CFAP47: variants seen among roughly 807,000 people sequenced by gnomAD.
CFAP47 encodes the protein cilia- and flagella-associated protein 47.
CFAP47 carries 29 observed loss-of-function variants against 148.1 expected under a neutral mutation model. That is an observed-to-expected ratio of 0.20 (90% CI 0.15 to 0.27). The LOEUF (loss-of-function observed/expected upper bound fraction) is 0.27. CFAP47 is among the 10% of genes least tolerant of loss of function. The pLI, the probability that CFAP47 is intolerant of heterozygous loss-of-function variation, is 1.00. For missense variants in CFAP47, 1,872 were observed against 1,697.5 expected (o/e 1.10, Z -1.81); for synonymous variants, 664 against 577.3 (o/e 1.15, Z -2.15).
intron 51 of CFAP47, among the ~76,000 whole-genome samples, chrX:36,292,889 T>A (rs1556005791): frequency 1.8e-5 from 2 of 111,383 alleles, no homozygotes; most frequent in African/African-American, 6.5e-5. Flanking sequence ...AAGTTGTGAT[T>A]ATCCAAAATA....
chrX:36,218,486 G>A (rs782063128), intron 45 of CFAP47, among the ~76,000 whole-genome samples: 1 of 112,016 alleles, frequency 8.9e-6, no homozygotes, highest in African/African-American at 3.2e-5. Context: ...CACAACTGTA[G>A]GGGATTATCT....
chrX:36,234,825 C>T (rs1367541914), intron 46 of CFAP47, among the ~76,000 whole-genome samples: 3 of 111,607 alleles, frequency 2.7e-5, no homozygotes, highest in African/African-American at 9.8e-5. Flanking sequence ...GTTAGTTTTC[C>T]TTCTAAGAGA....
chrX:36,187,018 C>T (rs1466476148), intron 40 of CFAP47, among the ~76,000 whole-genome samples: 1 of 111,357 alleles, frequency 9.0e-6, no homozygotes, highest in Non-Finnish European at 1.9e-5. Context: ...AGTTATTTTC[C>T]ATTCTGTCTT....
At chrX:36,080,026 C>T (rs910163301) in intron 29 of CFAP47, among the ~76,000 whole-genome samples, 18 of 111,233 alleles carry the variant, frequency 1.6e-4, no homozygotes, top group African/African-American at 5.6e-4. Flanking sequence ...TTGCAGTATA[C>T]CCATCTGATA....
intron 15 of CFAP47, among the ~76,000 whole-genome samples, chrX:35,980,389 G>A (rs1434730008): frequency 9.0e-6 from 1 of 111,405 alleles, no homozygotes; most frequent in Non-Finnish European, 1.9e-5. Flanking sequence ...GCACTAAGAT[G>A]GCTTTATTTA....
chrX:36,303,804 A>C, intron 53 of CFAP47, 45 bp from the exon 54 acceptor site: 2 of 705,855 alleles, frequency 2.8e-6, no homozygotes, highest in Non-Finnish European at 4.2e-6. Flanking sequence ...ACACTAAATA[A>C]GTTTATGAAT....
intron 37 of CFAP47, among the ~76,000 whole-genome samples, chrX:36,150,439 C>G (rs759714146): frequency 1.8e-5 from 2 of 112,102 alleles, no homozygotes; most frequent in South Asian, 7.4e-4. Context: ...TGAACTTTAA[C>G]TAGTCTTGAA....
chrX:36,176,682 G>A (rs1411306430), intron 39 of CFAP47, among the ~76,000 whole-genome samples: 1 of 112,159 alleles, frequency 8.9e-6, no homozygotes. Context: ...AAGGCGGAGG[G>A]ATCATGAGGT....
intron 33 of CFAP47, among the ~76,000 whole-genome samples, chrX:36,113,058 T>C (rs1228756207): frequency 8.9e-6 from 1 of 112,100 alleles, no homozygotes; most frequent in Non-Finnish European, 1.9e-5. Flanking sequence ...TGCCACTCTG[T>C]GCCTTTTAAT....
At chrX:36,050,260 T>C (rs1236154169) in intron 26 of CFAP47, among the ~76,000 whole-genome samples, 2 of 111,278 alleles carry the variant, frequency 1.8e-5, no homozygotes, top group African/African-American at 6.5e-5. Flanking sequence ...TTTGGAGGGC[T>C]CAGAAGAAGA....
chrX:36,184,747 A>C (rs1939787376), intron 40 of CFAP47, among the ~76,000 whole-genome samples: 1 of 111,418 alleles, frequency 9.0e-6, no homozygotes, highest in African/African-American at 3.3e-5. Flanking sequence ...CAGCCTGACC[A>C]ATATGGTGAC....
At chrX:36,227,810 A>G (rs1367606371) in intron 45 of CFAP47, among the ~76,000 whole-genome samples, 1 of 112,004 alleles carries the variant, frequency 8.9e-6, no homozygotes, top group Non-Finnish European at 1.9e-5. Context: ...TGAAACTTTT[A>G]TTATGTTCTT....
intron 45 of CFAP47, among the ~76,000 whole-genome samples, chrX:36,224,031 T>C (rs1555991162): frequency 9.0e-6 from 1 of 111,112 alleles, no homozygotes; most frequent in Non-Finnish European, 1.9e-5. Context: ...AAGTTAAAAA[T>C]TGTTTTAAAA....
chrX:36,244,523 A>G (rs1940590896), intron 48 of CFAP47, among the ~76,000 whole-genome samples: 2 of 111,658 alleles, frequency 1.8e-5, no homozygotes, highest in African/African-American at 6.5e-5. Flanking sequence ...GAAGATGCAA[A>G]TAAGAACAAT....
intron 26 of CFAP47, among the ~76,000 whole-genome samples, chrX:36,048,979 G>A (rs1046642339): frequency 1.8e-5 from 2 of 110,982 alleles, no homozygotes; most frequent in South Asian, 3.8e-4. Context: ...TATGAAAGTC[G>A]TCCATGCTCT....
chrX:36,012,641 A>T (rs1308664319), intron 21 of CFAP47, among the ~76,000 whole-genome samples: 1 of 110,926 alleles, frequency 9.0e-6, no homozygotes, highest in Non-Finnish European at 1.9e-5. Context: ...AGGGAGGGGG[A>T]CAACACACAG....
chrX:36,080,866 G>T (rs999108176), intron 29 of CFAP47, among the ~76,000 whole-genome samples: 3 of 111,248 alleles, frequency 2.7e-5, no homozygotes, highest in Non-Finnish European at 3.8e-5. Context: ...CCAACACAGC[G>T]CATGTATACA....
intron 3 of CFAP47, among the ~76,000 whole-genome samples, chrX:35,943,432 A>T (rs1269813420): frequency 9.0e-6 from 1 of 111,039 alleles, no homozygotes; most frequent in Non-Finnish European, 1.9e-5. Flanking sequence ...TAGACCCCCA[A>T]AGTTTATGTG....
At chrX:36,217,916 T>A (rs1485552507) in intron 45 of CFAP47, among the ~76,000 whole-genome samples, 2 of 112,187 alleles carry the variant, frequency 1.8e-5, no homozygotes, top group African/African-American at 6.5e-5. Flanking sequence ...AGTGAACTTT[T>A]AAAAAGTTTC....
Sources: allele counts gnomAD v4.1 joint callset (sites outside exome capture counted in the v4.1 genomes callset), GRCh38; gene constraint gnomAD v4.1.1; transcripts MANE v1.5; gene names NCBI Gene and HGNC (gene_info 2026-07-23, HGNC 2026-07-21).